Variants in TRIM29 observed in about 807,000 individuals in gnomAD.
The protein encoded by TRIM29 is tripartite motif-containing protein 29.
In TRIM29, 52 loss-of-function variants were observed where a neutral mutation model predicts 57.3. The observed-to-expected ratio is 0.91, with a 90% CI of 0.73 to 1.14. TRIM29 has a LOEUF of 1.14. Ranked by LOEUF, TRIM29 falls within the 50% of genes most tolerant of loss-of-function variation. The pLI is 0.00. For synonymous variants in TRIM29, 319 were observed against 316.9 expected, an observed-to-expected ratio of 1.01 and a Z score of -0.07; for missense variants, 753 against 774.6, an observed-to-expected ratio of 0.97 and a Z score of 0.33.
At chr11:120,126,675 C>T (rs1863598481) in intron 3 of TRIM29, among the ~76,000 whole-genome samples, 1 of 152,202 alleles carries the variant, frequency 6.6e-6, no homozygotes, top group Non-Finnish European at 1.5e-5. Flanking sequence ...GTTCAAACTC[C>T]ACCTCCTCCA....
chr11:120,118,102 C>T, intron 7 of TRIM29, 121 bp downstream of exon 7: 1 of 939,764 alleles, frequency 1.1e-6, no homozygotes, highest in Non-Finnish European at 1.7e-6. Context: ...GCTCTCAGGC[C>T]AGGCCTCTCT....
intron 6 of TRIM29, among the ~76,000 whole-genome samples, chr11:120,119,728 C>A (rs1863386861): frequency 6.6e-6 from 1 of 152,118 alleles, no homozygotes; most frequent in African/African-American, 2.4e-5. Flanking sequence ...ACCCTCCAGT[C>A]TCCATGAGTC....
chr11:120,129,428 A>C (rs949363263), intron 1 of TRIM29, among the ~76,000 whole-genome samples: 2 of 152,210 alleles, frequency 1.3e-5, no homozygotes, highest in Non-Finnish European at 2.9e-5. Flanking sequence ...ACCTGACAGA[A>C]CAAAGCATCC....
chr11:120,134,358 G>C (rs542177088), intron 1 of TRIM29, among the ~76,000 whole-genome samples: 1 of 152,180 alleles, frequency 6.6e-6, no homozygotes, highest in Non-Finnish European at 1.5e-5. Context: ...TATCACCTGG[G>C]CCTTCACCAC....
At chr11:120,115,475 C>A in intron 7 of TRIM29, 61 bp from the exon 8 acceptor site, 1 of 1,428,144 alleles carries the variant, frequency 7.0e-7, no homozygotes, top group Non-Finnish European at 9.6e-7. Context: ...GTGCCCGGGC[C>A]CAGAGCAGCA....
intron 1 of TRIM29, among the ~76,000 whole-genome samples, chr11:120,130,784 G>A (rs1287121768): frequency 2.6e-5 from 4 of 152,206 alleles, no homozygotes; most frequent in South Asian, 4.1e-4. Context: ...CACCATGCTC[G>A]GAGCAGTGTG....
rs1863583027 is a variant in TRIM29 at position 120,126,038 on chromosome 11, GAAAAGGTTCAACTA to G, written c.1135-163_1135-150del. 7.4e-6 allele frequency: 6 copies of G among 805,582 alleles called. No individual in the cohort carries two copies. The South Asian group carries it at 1.1e-4, about 15-fold the overall frequency. 49.9% of individuals were successfully genotyped at this position (805,582 alleles called of 1,614,324 possible). On this transcript the variant is annotated intron_variant, in intron 3 of 8. Coordinates refer to ENST00000341846, the MANE Select transcript of TRIM29 (RefSeq NM_012101.4). ...TGGATGTTTGTTTCTTCTGTAACAT[GAAAAGGTTCAACTA>G]AAAGCCACTGGATGCTAACATCCCT... is the stretch of plus-strand genomic sequence containing the variant.
At chr11:120,119,110 C>T (rs1230893731) in intron 6 of TRIM29, among the ~76,000 whole-genome samples, 3 of 152,178 alleles carry the variant, frequency 2.0e-5, no homozygotes, top group Non-Finnish European at 2.9e-5. Context: ...TTGATAGTTG[C>T]CAAGTTGAAT....
At chr11:120,118,120 G>A (rs1009016939) in intron 7 of TRIM29, 103 bp downstream of exon 7, 13 of 1,058,584 alleles carry the variant, frequency 1.2e-5, no homozygotes, top group East Asian at 2.6e-5. Context: ...TCTCCTCCAC[G>A]AGGTGAGGGA....
intron 1 of TRIM29, among the ~76,000 whole-genome samples, chr11:120,131,613 C>T (rs975734817): frequency 1.3e-5 from 2 of 151,772 alleles, no homozygotes; most frequent in African/African-American, 4.8e-5. Context: ...AAGACCAGAC[C>T]GGCAGGACAC....
chr11:120,120,570 T>C lies in TRIM29; in HGVS notation c.1528+3A>G. The C allele has an allele frequency of 1.2e-6, 2 of 1,612,306 alleles. No individual in the cohort carries two copies. Among genetic ancestry groups the C allele is most frequent in the Non-Finnish European group, 1.7e-6 (2 of 1,179,596 alleles). On this transcript the variant is annotated splice_donor_region_variant and intron_variant, in intron 6 of 8. Transcript: ENST00000341846. ...TGCACCCTTGAGCTGAGCCACCACC[T>C]ACCTTTGGTGCCATAGAGATTGTTG...
intron 4 of TRIM29, chr11:120,123,805 C>T (rs1014421780): frequency 6.4e-6 from 2 of 311,508 alleles, no homozygotes; most frequent in Admixed American, 4.5e-5. Flanking sequence ...ATCACCTGCG[C>T]CTATCAGTGT....
At chr11:120,117,004 ACT>A (rs987935345) in intron 7 of TRIM29, 1 of 443,320 alleles carries the variant, frequency 2.3e-6, no homozygotes, top group Non-Finnish European at 4.5e-6. Context: ...GGTTTGGAAA[ACT>A]CTGCAGTGGC....
In TRIM29 at chr11:120,120,644, T is replaced by C. The variant is rs772913357; in HGVS notation, c.1457A>G (p.Gln486Arg). The C allele has an allele frequency of 4.0e-5, 64 of 1,613,778 alleles. No individual in the cohort carries two copies. The highest frequency in any genetic ancestry group is 5.0e-5 in the Non-Finnish European group (59 of 1,179,982). ...GGTGAAGCGGCCAGGAGACGAGGGCTGGTATGATGTCCGGACCCCACCTGT... is the reference window on the plus strand; with the variant it reads ...GGTGAAGCGGCCAGGAGACGAGGGCCGGTATGATGTCCGGACCCCACCTGT... ...TPKGGVRTSY[Q>R]PSSPGRFTKE... Residue 486 changes from glutamine to arginine, a missense_variant, in exon 6 of 9, where the codon CAG (glutamine) becomes CGG (arginine). Physicochemically the swap from Gln to Arg is conservative, Grantham distance 43. Transcript: ENST00000341846.
intron 6 of TRIM29, 78 bp from the exon 7 acceptor site, chr11:120,118,399 C>G (rs10466595): frequency 0.27 from 296,256 of 1,109,424 alleles, 42,591 homozygotes; most frequent in African/African-American, 0.3. Flanking sequence ...ACAGCCAGGT[C>G]TATGACTCTC....
chr11:120,136,789 CAAAA>C (rs11310050), intron 1 of TRIM29, among the ~76,000 whole-genome samples: 7 of 140,478 alleles, frequency 5.0e-5, no homozygotes, highest in Non-Finnish European at 1.6e-5. Context: ...TTCTTCAAAG[CAAAA>C]AAAAAAAAAA....
At chr11:120,127,611 G>A (rs1863621922) in intron 2 of TRIM29, 42 bp from the exon 3 acceptor site, 3 of 1,570,690 alleles carry the variant, frequency 1.9e-6, no homozygotes, top group African/African-American at 2.7e-5. Flanking sequence ...CAGGGCTTTA[G>A]TTAGGGAAAG....
At chr11:120,116,215 A>G (rs999431375) in intron 7 of TRIM29, 1 of 152,236 alleles carries the variant, frequency 6.6e-6, no homozygotes, top group African/African-American at 2.4e-5. Context: ...CTTGGTTGCA[A>G]AGATGCTAGT....
intron 1 of TRIM29, 110 bp from the exon 2 acceptor site, chr11:120,128,605 A>C: frequency 6.7e-6 from 10 of 1,503,668 alleles, no homozygotes; most frequent in Non-Finnish European, 9.0e-6. Context: ...AGGGCTCATC[A>C]CTCATCTATT....
Sources: allele counts gnomAD v4.1 joint callset (sites outside exome capture counted in the v4.1 genomes callset), GRCh38; gene constraint gnomAD v4.1.1; transcripts MANE v1.5; gene names NCBI Gene and HGNC (gene_info 2026-07-23, HGNC 2026-07-21).